The following SLC25A30 variants were observed in gnomAD, a reference collection of about 807,000 sequenced individuals.
SLC25A30 encodes kidney mitochondrial carrier protein 1.
A neutral mutation model predicts 42.7 loss-of-function variants in SLC25A30; 29 were observed. The ratio of observed to expected loss-of-function variants is 0.68; its 90% CI spans 0.51 to 0.93. The LOEUF (loss-of-function observed/expected upper bound fraction) is 0.93, where lower values mean the gene tolerates loss of function less well. Among genes scored for constraint, SLC25A30 ranks in the 40% least tolerant of loss-of-function variants. SLC25A30 has a pLI of 0.00. For missense variants in SLC25A30, 300 were observed against 359.7 expected, an observed-to-expected ratio of 0.83 and a Z score of 1.34; for synonymous variants, 124 against 131.0, an observed-to-expected ratio of 0.95 and a Z score of 0.37.
chr13:45,414,504 C>T (rs1321884290), intron 1 of SLC25A30, among the ~76,000 whole-genome samples: 1 of 152,086 alleles, frequency 6.6e-6, no homozygotes, highest in Admixed American at 6.6e-5. Flanking sequence ...GTAATTCCAG[C>T]TACTCAGGAG....
At chr13:45,398,828 G>T in intron 8 of SLC25A30, 112 bp downstream of exon 8, 1 of 1,187,242 alleles carries the variant, frequency 8.4e-7, no homozygotes, top group East Asian at 2.5e-5. Flanking sequence ...GTACATCTCT[G>T]GGCTTTAAAG....
In SLC25A30 at chr13:45,399,096, GAAAAA is replaced by G; in HGVS notation, c.615-23_615-19del. Reference sequence around the variant, plus strand: ...AGCTTGAGCTATAAAGACACCATTGGAAAAAAAAAAAAAAGTTAACCATCACTGAG... The same window carrying G: ...AGCTTGAGCTATAAAGACACCATTGGAAAAAAAAAGTTAACCATCACTGAG... On this transcript the variant is annotated intron_variant, in intron 7 of 9. Coordinates refer to ENST00000519676, the MANE Select transcript of SLC25A30 (RefSeq NM_001010875.4). 7.7e-7 allele frequency: 1 copy of G among 1,303,678 alleles called. No homozygotes were observed. Among genetic ancestry groups the G allele is most frequent in the East Asian group, 2.8e-5 (1 of 35,812 alleles). The allele number at this position is 1,303,678 out of a possible 1,614,324, so 80.8% of individuals were successfully genotyped here.
chr13:45,428,517 CTTT>C, the SLC25A30 span, among the ~76,000 whole-genome samples: 84 of 92,540 alleles, frequency 9.1e-4, no homozygotes, highest in African/African-American at 3.3e-3. Context: ...TTCTTTTTAA[CTTT>C]TTTTTTTTTT....
At chr13:45,418,682 C>T (rs981645702), upstream of SLC25A30, 2 of 152,184 alleles carry the variant, frequency 1.3e-5, no homozygotes, top group Non-Finnish European at 2.9e-5. Context: ...GAAAAGCAAC[C>T]TTCGCAGGGG....
intron 1 of SLC25A30, 124 bp from the exon 2 acceptor site, chr13:45,411,604 G>A (rs1246867503): frequency 1.6e-6 from 1 of 615,544 alleles, no homozygotes; most frequent in Non-Finnish European, 2.9e-6. Flanking sequence ...CAATTCCCAA[G>A]GGGAGCCTCC....
chr13:45,395,759 G>A lies in SLC25A30; in HGVS notation c.*215C>T, dbSNP rs926180129. The A allele has an allele frequency of 3.5e-6, 5 of 1,431,194 alleles. No homozygotes were observed. The highest frequency in any genetic ancestry group is 5.1e-5 in the East Asian group (2 of 39,436). 88.7% of individuals were successfully genotyped at this position (1,431,194 alleles called of 1,614,324 possible). ...TGTTGAAGGGCACTTCAGTGGTAAAGACTAGTGTTTGGATGTTAGTTTATG... is the reference window on the plus strand; with the variant it reads ...TGTTGAAGGGCACTTCAGTGGTAAAAACTAGTGTTTGGATGTTAGTTTATG... On this transcript the variant is annotated 3_prime_UTR_variant, in exon 10 of 10. Transcript: ENST00000519676.
chr13:45,401,342 T>G (rs1054941877), intron 6 of SLC25A30, 135 bp from the exon 7 acceptor site: 4 of 861,944 alleles, frequency 4.6e-6, no homozygotes, highest in African/African-American at 1.7e-5. Context: ...AAATGTAGAG[T>G]GACAGAGCGG....
At chr13:45,424,600 T>TGTATAA in the SLC25A30 span, among the ~76,000 whole-genome samples, 75 of 43,914 alleles carry the variant, frequency 1.7e-3, 6 homozygotes, top group African/African-American at 7.3e-3. Context: ...TATATATAAA[T>TGTATAA]ATATATAAAT....
intron 5 of SLC25A30, among the ~76,000 whole-genome samples, chr13:45,403,308 C>T (rs964024862): frequency 6.6e-6 from 1 of 152,118 alleles, no homozygotes; most frequent in Non-Finnish European, 1.5e-5. Flanking sequence ...TGTCAGAATC[C>T]CCTATTAGAT....
intron 9 of SLC25A30, 71 bp downstream of exon 9, chr13:45,397,182 AATAAC>A: frequency 1.0e-6 from 1 of 986,942 alleles, no homozygotes; most frequent in South Asian, 1.4e-5. Context: ...AATTATAATT[AATAAC>A]ATGAGAGTTT....
Position 45,398,931 on chromosome 13 carries a change from T to C in SLC25A30, c.753+9A>G. On this transcript the variant is annotated intron_variant, in intron 8 of 9. Transcript: ENST00000519676. ...TCACAACCCTGCAGAGACAGACATC[T>C]GCTCTTACCTGTAACAAGCAATCCA... 4 of 1,612,548 alleles carry C rather than the reference T, an allele frequency of 2.5e-6. No individual in the cohort carries two copies. The highest frequency in any genetic ancestry group is 3.4e-6 in the Non-Finnish European group (4 of 1,179,520).
chr13:45,426,321 G>A, the SLC25A30 span, among the ~76,000 whole-genome samples: 699 of 152,020 alleles, frequency 4.6e-3, 9 homozygotes, highest in African/African-American at 0.016. Flanking sequence ...TCTTGACCTC[G>A]TGATCCACCC....
At chr13:45,419,980 G>A (rs755063236), upstream of SLC25A30, among the ~76,000 whole-genome samples, 8 of 150,658 alleles carry the variant, frequency 5.3e-5, no homozygotes, top group Non-Finnish European at 7.4e-5. Flanking sequence ...GAGGGGAGGC[G>A]AAGGGAAGGG....
At chr13:45,425,659 T>G in the SLC25A30 span, among the ~76,000 whole-genome samples, 2 of 101,670 alleles carry the variant, frequency 2.0e-5, no homozygotes, top group Non-Finnish European at 4.3e-5. Flanking sequence ...TAAGTATATA[T>G]AAATATATAT....
chr13:45,402,796 T>G lies in SLC25A30; in HGVS notation c.394-426A>C, dbSNP rs1882126327. ...GCACAGGCAAGCATAGTTCTTAAAT[T>G]AGCTGCTCCAAGCCACTACAGTCTC... On this transcript the variant is annotated intron_variant, in intron 5 of 9. Transcript: ENST00000519676. 3 of 985,296 alleles carry G rather than the reference T, an allele frequency of 3.0e-6. No individual in the cohort carries two copies. In the South Asian group the frequency reaches 1.4e-4, roughly 46 times the overall value. The allele number at this position is 985,296 out of a possible 1,614,324, so 61.0% of individuals were successfully genotyped here.
the SLC25A30 span, among the ~76,000 whole-genome samples, chr13:45,426,969 CG>C: frequency 6.6e-6 from 1 of 151,952 alleles, no homozygotes; most frequent in Non-Finnish European, 1.5e-5. Flanking sequence ...TTTAGCTCGT[CG>C]TTTCTATATT....
chr13:45,424,748 CTA>C, the SLC25A30 span, among the ~76,000 whole-genome samples: 1 of 45,262 alleles, frequency 2.2e-5, no homozygotes, highest in African/African-American at 8.7e-5. Context: ...AATATTATAT[CTA>C]TTTATATAAA....
At chr13:45,427,000 G>A in the SLC25A30 span, among the ~76,000 whole-genome samples, 1 of 151,996 alleles carries the variant, frequency 6.6e-6, no homozygotes, top group East Asian at 1.9e-4. Context: ...ACCTTCCAGA[G>A]TTACATGATC....
upstream of SLC25A30, among the ~76,000 whole-genome samples, chr13:45,422,592 G>A (rs939389309): frequency 2.0e-5 from 3 of 152,122 alleles, no homozygotes; most frequent in African/African-American, 7.2e-5. Flanking sequence ...CTAGATGCTT[G>A]CTACTGGCAA....
Sources: gnomAD v4.1 joint callset for allele counts (sites outside exome capture counted in the v4.1 genomes callset) on GRCh38, gnomAD v4.1.1 for gene constraint, MANE v1.5 for transcripts, NCBI Gene and HGNC (gene_info 2026-07-23, HGNC 2026-07-21) for gene names.